The following KIAA1549 variants were observed in gnomAD, a reference collection of about 807,000 sequenced individuals.
The protein encoded by KIAA1549 is UPF0606 protein KIAA1549.
A neutral mutation model predicts 156.4 loss-of-function variants in KIAA1549; 70 were observed. The ratio of observed to expected loss-of-function variants is 0.45; its 90% CI spans 0.37 to 0.55. KIAA1549 has a LOEUF of 0.55. Ranked by LOEUF, KIAA1549 falls within the 20% of genes least tolerant of loss-of-function variation. The probability of loss-of-function intolerance (pLI) is 0.00; values close to 1 mark genes in which losing one functional copy is unlikely to be tolerated. For missense variants in KIAA1549, 2,428 were observed against 2,540.9 expected, an observed-to-expected ratio of 0.96 and a Z score of 0.96; for synonymous variants, 1,103 against 1,066.4, an observed-to-expected ratio of 1.03 and a Z score of -0.67.
At chr7:138,952,855 AG>A (rs1444059377) in intron 1 of KIAA1549, among the ~76,000 whole-genome samples, 1 of 152,244 alleles carries the variant, frequency 6.6e-6, no homozygotes, top group Non-Finnish European at 1.5e-5. Flanking sequence ...AATAACATCC[AG>A]TAAGGAGAAA....
chr7:138,860,163 A>C (rs1267168787), intron 16 of KIAA1549, among the ~76,000 whole-genome samples: 1 of 152,212 alleles, frequency 6.6e-6, no homozygotes, highest in Non-Finnish European at 1.5e-5. Flanking sequence ...ACCAGTTGTA[A>C]TTTTGAAGAT....
Position 138,907,106 on chromosome 7 carries a change from AAAG to A in KIAA1549, c.3277-7_3277-5del. The A allele has an allele frequency of 3.2e-6, 5 of 1,571,884 alleles. No individual in the cohort carries two copies. Among genetic ancestry groups the A allele is most frequent in the Non-Finnish European group, 4.3e-6 (5 of 1,163,592 alleles). ...AACTGATGGTGATATTCAAGATCTGAAAGAATAAAGTCAGAATAAGCTTCTATA... is the reference window on the plus strand; with the variant it reads ...AACTGATGGTGATATTCAAGATCTGAAATAAAGTCAGAATAAGCTTCTATA... On this transcript the variant is annotated splice_polypyrimidine_tract_variant and splice_region_variant and intron_variant, in intron 5 of 19. Coordinates refer to ENST00000422774, the MANE Select transcript of KIAA1549 (RefSeq NM_001164665.2).
chr7:138,842,891 A>G (rs550491657), intron 18 of KIAA1549, among the ~76,000 whole-genome samples: 4 of 152,312 alleles, frequency 2.6e-5, no homozygotes, highest in South Asian at 2.1e-4. Flanking sequence ...GAAACTAACA[A>G]TTCTTTGCTA....
At chr7:138,914,450 C>G (rs1414978050) in intron 2 of KIAA1549, among the ~76,000 whole-genome samples, 1 of 152,222 alleles carries the variant, frequency 6.6e-6, no homozygotes, top group African/African-American at 2.4e-5. Context: ...AGGGCGCGTG[C>G]AGGCAAGTGC....
At chr7:138,899,474 T>A (rs1028010076) in intron 8 of KIAA1549, among the ~76,000 whole-genome samples, 2 of 152,178 alleles carry the variant, frequency 1.3e-5, no homozygotes, top group Non-Finnish European at 2.9e-5. Flanking sequence ...TAAGAGAGCA[T>A]CATCCTCCCA....
chr7:138,918,178 G>GT lies in KIAA1549; in HGVS notation c.1447dup (p.Thr483AsnfsTer14). 1 of 1,613,932 alleles carries GT rather than the reference G, an allele frequency of 6.2e-7. No individual in the cohort carries two copies. The highest frequency in any genetic ancestry group is 8.5e-7 in the Non-Finnish European group (1 of 1,179,858). Reference sequence around the variant, plus strand: ...GACGATAGGTCTGGAGGGGAAAAGCGTATTAAATACTTGAGGATCTTCCTC... The same window carrying GT: ...GACGATAGGTCTGGAGGGGAAAAGCGTTATTAAATACTTGAGGATCTTCCTC... On this transcript the variant is annotated frameshift_variant, in exon 2 of 20. Coordinates refer to ENST00000422774, the MANE Select transcript of KIAA1549 (RefSeq NM_001164665.2). LOFTEE classifies it high-confidence loss of function. This position sits in a 1 kb window ranked among gnomAD's most constrained non-coding sequence, Gnocchi z 4.2.
chr7:138,975,725 G>A (rs1401695948), intron 1 of KIAA1549, among the ~76,000 whole-genome samples: 1 of 152,212 alleles, frequency 6.6e-6, no homozygotes. Flanking sequence ...CAGATGAAAG[G>A]TGGGTGGTCA....
intron 5 of KIAA1549, among the ~76,000 whole-genome samples, chr7:138,908,782 C>G (rs893761457): frequency 3.3e-5 from 5 of 152,154 alleles, no homozygotes; most frequent in Admixed American, 1.3e-4. Context: ...TCTGAGCTCC[C>G]TGGGTATCAG....
chr7:138,898,961 C>T lies in KIAA1549; in HGVS notation c.3841G>A (p.Ala1281Thr), dbSNP rs1467959296. The T allele has an allele frequency of 6.2e-7, 1 of 1,613,654 alleles. No homozygotes were observed. The highest frequency in any genetic ancestry group is 1.3e-5 in the African/African-American group (1 of 74,906). ...CAACACCTCAGGCACTTACGCTGGG[C>T]AATGACACCTTGAATTCGGTAACCC... ...ILGYRIQGVI[A>T]QPVDRVKRPS... The change falls in exon 9 of 20, where the codon GCC becomes ACC. Residue 1281 changes from alanine to threonine, a missense_variant. Around this residue, in one of 5 missense-constraint regions of KIAA1549, gnomAD observed 762 missense variants for 901.6 expected, o/e 0.85. Coordinates refer to ENST00000422774, the MANE Select transcript of KIAA1549 (RefSeq NM_001164665.2).
At position 138,837,555 on chromosome 7, in the gene KIAA1549, C is replaced by G; in HGVS notation, c.*351G>C. 2.6e-6 allele frequency: 1 copy of G among 385,198 alleles called. No homozygotes were observed. The allele number at this position is 385,198 out of a possible 1,614,324, so 23.9% of individuals were successfully genotyped here. ...TCAATCCCACAGAAACGCTTGGTTC[C>G]TTTCATCCCTATGCTGTCTATACAG... On this transcript the variant is annotated 3_prime_UTR_variant, in exon 20 of 20. Transcript: ENST00000422774.
intron 1 of KIAA1549, among the ~76,000 whole-genome samples, chr7:138,929,223 A>T (rs558877364): frequency 4.1e-4 from 62 of 152,350 alleles, no homozygotes; most frequent in African/African-American, 1.3e-3. Flanking sequence ...AAACTCTGCC[A>T]ACTGTTTTAT....
At position 138,881,598 on chromosome 7, in the gene KIAA1549, A is replaced by G. The variant is rs2130407340; in HGVS notation, c.4033-14T>C. 2.5e-6 allele frequency: 4 copies of G among 1,603,082 alleles called. No individual in the cohort carries two copies. Among genetic ancestry groups the G allele is most frequent in the African/African-American group, 2.7e-5 (2 of 74,642 alleles). On this transcript the variant is annotated splice_polypyrimidine_tract_variant and intron_variant, in intron 10 of 19. Transcript: ENST00000422774. ...AGGGATCTGCAGCTGAAACATACACACACACAAACAAGATTGTTAACCCGG... is the reference window on the plus strand; with the variant it reads ...AGGGATCTGCAGCTGAAACATACACGCACACAAACAAGATTGTTAACCCGG...
intron 7 of KIAA1549, among the ~76,000 whole-genome samples, 159 bp downstream of exon 7, chr7:138,904,863 A>G (rs1384723622): frequency 6.6e-6 from 1 of 152,208 alleles, no homozygotes. Flanking sequence ...ATATATTCCC[A>G]CAGCCAAATT....
At chr7:138,913,775 C>T (rs1286476245) in intron 2 of KIAA1549, among the ~76,000 whole-genome samples, 1 of 152,024 alleles carries the variant, frequency 6.6e-6, no homozygotes, top group African/African-American at 2.4e-5. Flanking sequence ...GCCAACTCCG[C>T]ATGGCCCACA....
chr7:138,957,146 G>A (rs1020711184), intron 1 of KIAA1549, among the ~76,000 whole-genome samples: 2 of 152,182 alleles, frequency 1.3e-5, no homozygotes, highest in African/African-American at 2.4e-5. Flanking sequence ...ACAGTTCAAC[G>A]CAGTTCCCCA....
intron 1 of KIAA1549, among the ~76,000 whole-genome samples, chr7:138,935,936 T>C (rs1229521810): frequency 1.3e-5 from 2 of 152,166 alleles, no homozygotes; most frequent in Non-Finnish European, 2.9e-5. Context: ...AGAATAATAC[T>C]AGAAAAGTTG....
intron 1 of KIAA1549, among the ~76,000 whole-genome samples, chr7:138,948,068 G>C (rs1029250894): frequency 1.1e-4 from 16 of 151,976 alleles, no homozygotes; most frequent in African/African-American, 3.9e-4. Flanking sequence ...CGGCCTCAGG[G>C]ACCAGCTTCT....
intron 1 of KIAA1549, among the ~76,000 whole-genome samples, chr7:138,927,593 G>A (rs547376524): frequency 1.3e-5 from 2 of 152,360 alleles, no homozygotes; most frequent in African/African-American, 2.4e-5. Flanking sequence ...AGCCGAAACT[G>A]TGCCACTGCA....
At chr7:138,949,688 G>T (rs1813437580) in intron 1 of KIAA1549, among the ~76,000 whole-genome samples, 1 of 151,906 alleles carries the variant, frequency 6.6e-6, no homozygotes, top group South Asian at 2.1e-4. Context: ...TTGCCTCAAG[G>T]TTAAAAAATT....
Sources: gnomAD v4.1 joint callset for allele counts (sites outside exome capture counted in the v4.1 genomes callset) on GRCh38, gnomAD v4.1.1 for gene constraint, gnomAD v4.1.1 regional missense constraint, Gnocchi (gnomAD v3.1) non-coding constraint, MANE v1.5 for transcripts, NCBI Gene and HGNC (gene_info 2026-07-23, HGNC 2026-07-21) for gene names.